The following MRM1 variants were observed in gnomAD, a reference collection of about 807,000 sequenced individuals.
MRM1 encodes mitochondrial rRNA methyltransferase 1.
MRM1 carries 24 observed loss-of-function variants against 25.0 expected under a neutral mutation model. The ratio of observed to expected loss-of-function variants is 0.96; its 90% CI spans 0.69 to 1.35. The LOEUF (loss-of-function observed/expected upper bound fraction) is 1.35, where lower values mean the gene tolerates loss of function less well. Ranked by LOEUF, MRM1 falls within the 40% of genes most tolerant of loss-of-function variation. MRM1 has a pLI of 0.00. For missense variants in MRM1, 431 were observed against 464.1 expected, an observed-to-expected ratio of 0.93 and a Z score of 0.65; for synonymous variants, 188 against 199.2, an observed-to-expected ratio of 0.94 and a Z score of 0.47.
chr17:36,602,032 C>A lies in MRM1; in HGVS notation c.222C>A (p.Leu74=), dbSNP rs1442419350. 2.5e-6 allele frequency: 4 copies of A among 1,610,630 alleles called. No individual in the cohort carries two copies. The highest frequency in any genetic ancestry group is 3.4e-6 in the Non-Finnish European group (4 of 1,178,808). ...GCCGCTCTGTGGCCCGGCTCCTGCTCCAGGCGGGTAAAGCTGGGCTGCAGG... is the reference window on the plus strand; with the variant it reads ...GCCGCTCTGTGGCCCGGCTCCTGCTACAGGCGGGTAAAGCTGGGCTGCAGG... ...AARRSVARLL[L]QAGKAGLQGK... The change falls in exon 1 of 5, where the codon CTC becomes CTA. Residue 74 remains leucine (L), a synonymous_variant. Coordinates refer to ENST00000614766, the MANE Select transcript of MRM1 (RefSeq NM_024864.5). The surrounding 1 kb of genome is among the most constrained non-coding windows in gnomAD (Gnocchi z 4.1).
At chr17:36,616,597 T>C in the MRM1 span, among the ~76,000 whole-genome samples, 1 of 152,170 alleles carries the variant, frequency 6.6e-6, no homozygotes. Context: ...CTTCAGTGAG[T>C]GTGCGACCTG....
At chr17:36,621,863 T>G in the MRM1 span, among the ~76,000 whole-genome samples, 1 of 152,168 alleles carries the variant, frequency 6.6e-6, no homozygotes, top group South Asian at 2.1e-4. Context: ...TCTATCCCCG[T>G]CTTCCTACAG....
In MRM1 at chr17:36,602,924, A is replaced by G. The variant is rs1197027168; in HGVS notation, c.636+278A>G. On this transcript the variant is annotated intron_variant, in intron 2 of 4. Coordinates refer to ENST00000614766, the MANE Select transcript of MRM1 (RefSeq NM_024864.5). The surrounding 1 kb of genome is among the most constrained non-coding windows in gnomAD (Gnocchi z 4.1). ...AGTCAGCCTCAGTGTCTATTTGCCT[A>G]CTAGGTCGGGCTTCAGTAAATGCAT... The G allele has an allele frequency of 2.0e-6, 2 of 985,198 alleles. No homozygotes were observed. Among genetic ancestry groups the G allele is most frequent in the East Asian group, 1.1e-4 (1 of 8,822 alleles). The allele number at this position is 985,198 out of a possible 1,614,324, so 61.0% of individuals were successfully genotyped here. A position where few individuals can be genotyped will look rare whatever the true frequency, so the allele number is the denominator to read the frequency against.
At chr17:36,615,362 G>GA in the MRM1 span, among the ~76,000 whole-genome samples, 12 of 152,194 alleles carry the variant, frequency 7.9e-5, no homozygotes, top group Admixed American at 5.9e-4. Flanking sequence ...TGCAACCTGA[G>GA]AAAAAAATCC....
chr17:36,611,732 A>G (rs1341436300), downstream of MRM1, among the ~76,000 whole-genome samples: 1 of 152,192 alleles, frequency 6.6e-6, no homozygotes, highest in Non-Finnish European at 1.5e-5. Context: ...CTACCTTCAG[A>G]CTAGACCTGA....
chr17:36,608,141 A>C, intron 4 of MRM1, 102 bp from the exon 5 acceptor site: 1 of 1,526,376 alleles, frequency 6.6e-7, no homozygotes, highest in Non-Finnish European at 8.9e-7. Context: ...AAATGGGGAA[A>C]TTACATCCCG....
chr17:36,623,507 G>A, the MRM1 span, among the ~76,000 whole-genome samples: 1 of 152,170 alleles, frequency 6.6e-6, no homozygotes, highest in African/African-American at 2.4e-5. Context: ...AAGTTATGTA[G>A]GGCAGATGAT....
intron 2 of MRM1, among the ~76,000 whole-genome samples, chr17:36,604,800 CA>C (rs1237677949): frequency 3.3e-3 from 434 of 132,154 alleles, no homozygotes; most frequent in African/African-American, 7.4e-3. Context: ...AGTGACGTGT[CA>C]AAAAAAAAAA....
At position 36,608,541 on chromosome 17, in the gene MRM1, G is replaced by A. The variant is rs4796229; in HGVS notation, c.*126G>A. The A allele has an allele frequency of 0.48, 196,006 of 407,900 alleles. 57,087 individuals are homozygous for A. The highest frequency in any genetic ancestry group is 0.76 in the African/African-American group (36,559 of 48,332). The allele number at this position is 407,900 out of a possible 1,614,324, so 25.3% of individuals were successfully genotyped here. ...GCCCATGTTTATTGACCACAGTCTG[G>A]GGGGGGGGGAAGGGGACTGCGGTGG... On this transcript the variant is annotated 3_prime_UTR_variant, in exon 5 of 5. Transcript: ENST00000614766.
chr17:36,618,547 G>A, the MRM1 span, among the ~76,000 whole-genome samples: 1 of 152,062 alleles, frequency 6.6e-6, no homozygotes, highest in Non-Finnish European at 1.5e-5. Context: ...GAGTGTGCCT[G>A]GTGTGCTCTA....
the MRM1 span, among the ~76,000 whole-genome samples, chr17:36,615,031 C>T: frequency 6.6e-6 from 1 of 152,176 alleles, no homozygotes; most frequent in Non-Finnish European, 1.5e-5. Flanking sequence ...AGGGGCTGCT[C>T]TTTGAATCAG....
chr17:36,609,729 C>T (rs528012113), downstream of MRM1, among the ~76,000 whole-genome samples: 1 of 152,294 alleles, frequency 6.6e-6, no homozygotes, highest in Admixed American at 6.5e-5. Context: ...GCCTCGGTGC[C>T]CTCCTGGGCG....
chr17:36,608,229 T>C lies in MRM1; in HGVS notation c.890-14T>C. ...TCCTCCGTCCTCTCTTCCCTTGTCCTTGTGTCTGTGCAGGAATTCTTCTTC... is the reference window on the plus strand; with the variant it reads ...TCCTCCGTCCTCTCTTCCCTTGTCCCTGTGTCTGTGCAGGAATTCTTCTTC... On this transcript the variant is annotated splice_polypyrimidine_tract_variant and intron_variant, in intron 4 of 4. Coordinates refer to ENST00000614766, the MANE Select transcript of MRM1 (RefSeq NM_024864.5). 4 of 1,551,684 alleles carry C rather than the reference T, an allele frequency of 2.6e-6. No homozygotes were observed. Among genetic ancestry groups the C allele is most frequent in the Non-Finnish European group, 8.7e-7 (1 of 1,147,790 alleles).
Position 36,602,269 on chromosome 17 carries a change from C to G in MRM1, c.459C>G (p.Ile153Met). The change falls in exon 1 of 5, where the codon ATC becomes ATG. Residue 153 changes from isoleucine (I) to methionine (M), a missense_variant. Coordinates refer to ENST00000614766, the MANE Select transcript of MRM1 (RefSeq NM_024864.5). The surrounding 1 kb of genome is among the most constrained non-coding windows in gnomAD (Gnocchi z 4.1). Reference sequence around the variant, plus strand: ...AGTTGTGGCTCGTCCTCGATGGGATCCAGGATCCCCGGAATTTTGGGGCTG... The same window carrying G: ...AGTTGTGGCTCGTCCTCGATGGGATGCAGGATCCCCGGAATTTTGGGGCTG... Reference protein sequence around the residue: ...PQQLWLVLDGIQDPRNFGAVL... With the variant: ...PQQLWLVLDGMQDPRNFGAVL... The G allele has an allele frequency of 6.2e-7, 1 of 1,603,986 alleles. No homozygotes were observed. The highest frequency in any genetic ancestry group is 8.5e-7 in the Non-Finnish European group (1 of 1,173,168).
At chr17:36,627,674 G>GTTTTTTTT in the MRM1 span, among the ~76,000 whole-genome samples, 5 of 83,726 alleles carry the variant, frequency 6.0e-5, no homozygotes, top group Non-Finnish European at 6.7e-5. Context: ...TTTGGACACT[G>GTTTTTTTT]TTTTTTTTTT....
the MRM1 span, among the ~76,000 whole-genome samples, chr17:36,622,198 T>C: frequency 1.3e-5 from 2 of 152,298 alleles, no homozygotes; most frequent in East Asian, 3.9e-4. Flanking sequence ...TGCTGCCTCC[T>C]GCCCCCTCCT....
At position 36,608,428 on chromosome 17, in the gene MRM1, A is replaced by C; in HGVS notation, c.*13A>C. The C allele has an allele frequency of 6.6e-7, 1 of 1,514,498 alleles. No homozygotes were observed. Among genetic ancestry groups the C allele is most frequent in the South Asian group, 1.4e-5 (1 of 72,990 alleles). 93.8% of individuals were successfully genotyped at this position (1,514,498 alleles called of 1,614,324 possible). A position where few individuals can be genotyped will look rare whatever the true frequency, so the allele number is the denominator to read the frequency against. ...AAATGAGGGCTGACGTGGACTGTCC[A>C]CAGTGTTCATGTGCTGGAGTCAGGG... On this transcript the variant is annotated 3_prime_UTR_variant, in exon 5 of 5. Transcript: ENST00000614766.
At chr17:36,609,588 C>T (rs1335201729), downstream of MRM1, among the ~76,000 whole-genome samples, 1 of 152,164 alleles carries the variant, frequency 6.6e-6, no homozygotes, top group Non-Finnish European at 1.5e-5. Context: ...AGAAATGTCT[C>T]CAGACGTTGC....
At chr17:36,613,819 TC>T (rs2074991323), downstream of MRM1, among the ~76,000 whole-genome samples, 1 of 152,038 alleles carries the variant, frequency 6.6e-6, no homozygotes, top group African/African-American at 2.4e-5. Context: ...CTGCAGGAGT[TC>T]TCGGTGGGTC....
Sources: gnomAD v4.1 joint callset for allele counts (sites outside exome capture counted in the v4.1 genomes callset) on GRCh38, gnomAD v4.1.1 for gene constraint, Gnocchi (gnomAD v3.1) non-coding constraint, MANE v1.5 for transcripts, NCBI Gene and HGNC (gene_info 2026-07-23, HGNC 2026-07-21) for gene names.